The following CNTN6 variants were observed in gnomAD, a reference collection of about 807,000 sequenced individuals.
The protein encoded by CNTN6 is contactin-6.
In CNTN6, 137 loss-of-function variants were observed where a neutral mutation model predicts 122.8. The ratio of observed to expected loss-of-function variants is 1.12; its 90% CI spans 0.97 to 1.29. The LOEUF (loss-of-function observed/expected upper bound fraction) is 1.29, where lower values mean the gene tolerates loss of function less well. Ranked by LOEUF, CNTN6 falls within the 50% of genes most tolerant of loss-of-function variation. The pLI, the probability that CNTN6 is intolerant of heterozygous loss-of-function variation, is 0.00. For missense variants in CNTN6, 1,634 were observed against 1,223.4 expected, an observed-to-expected ratio of 1.34 and a Z score of -5.01; for synonymous variants, 570 against 426.0, an observed-to-expected ratio of 1.34 and a Z score of -4.16.
rs562437352 is a variant in CNTN6, at chr3:1,283,871, G to A, written c.454+5363G>A. 7.2e-5 allele frequency among the ~76,000 whole-genome samples: 11 copies of A among 152,192 alleles called. No homozygotes were observed. The South Asian group carries it at 2.3e-3, about 32-fold the overall frequency. ...AAAAATTAGCCGGGTGTGGTGGCAG[G>A]CGCCTGTAATCCCAGCTACTCTGGG... On this transcript the variant is annotated intron_variant, in intron 5 of 22. Transcript: ENST00000446702.
chr3:1,192,709 C>T (rs185972087), intron 2 of CNTN6, among the ~76,000 whole-genome samples: 58 of 152,298 alleles, frequency 3.8e-4, no homozygotes, highest in African/African-American at 1.3e-3. Flanking sequence ...CACACACACA[C>T]ACACACCCCT....
At chr3:1,339,470 C>T (rs1703575079) in intron 11 of CNTN6, among the ~76,000 whole-genome samples, 1 of 152,134 alleles carries the variant, frequency 6.6e-6, no homozygotes, top group Non-Finnish European at 1.5e-5. Context: ...GGAAGGCAGA[C>T]AAGCCCACAG....
intron 2 of CNTN6, among the ~76,000 whole-genome samples, chr3:1,210,488 G>C (rs950039103): frequency 2.6e-5 from 4 of 152,224 alleles, no homozygotes; most frequent in East Asian, 3.9e-4. Flanking sequence ...AGTGAGTTTA[G>C]TCTAGCTTAA....
intron 7 of CNTN6, among the ~76,000 whole-genome samples, chr3:1,306,496 G>C (rs1206546627): frequency 6.6e-6 from 1 of 152,152 alleles, no homozygotes; most frequent in African/African-American, 2.4e-5. Context: ...TAATTTATCA[G>C]TGAATTTACT....
intron 4 of CNTN6, 24 bp from the exon 5 acceptor site, chr3:1,278,389 A>G: frequency 6.8e-7 from 1 of 1,463,272 alleles, no homozygotes; most frequent in South Asian, 1.2e-5. Flanking sequence ...CTAATTATAA[A>G]TCTGCTTTTC....
At chr3:1,129,784 TTAAG>T (rs2092285958) in intron 1 of CNTN6, among the ~76,000 whole-genome samples, 1 of 152,104 alleles carries the variant, frequency 6.6e-6, no homozygotes, top group Non-Finnish European at 1.5e-5. Flanking sequence ...CTACATGAAT[TTAAG>T]TATGAATTTC....
chr3:1,264,604 T>C (rs573812502), intron 4 of CNTN6, among the ~76,000 whole-genome samples: 1 of 152,252 alleles, frequency 6.6e-6, no homozygotes, highest in South Asian at 2.1e-4. Context: ...AATAATTGTA[T>C]AGATTTATAG....
At chr3:1,144,640 G>A (rs572108013) in intron 1 of CNTN6, among the ~76,000 whole-genome samples, 7 of 134,582 alleles carry the variant, frequency 5.2e-5, no homozygotes, top group South Asian at 2.5e-4. Flanking sequence ...GGGGCTTGTC[G>A]GATTACTTAG....
intron 2 of CNTN6, among the ~76,000 whole-genome samples, chr3:1,218,233 G>C (rs2094155066): frequency 6.6e-6 from 1 of 152,068 alleles, no homozygotes; most frequent in Non-Finnish European, 1.5e-5. Flanking sequence ...AGGGGAAGAG[G>C]GTTCCATTGT....
Position 1,297,849 on chromosome 3 carries a change from A to C in CNTN6, c.659-40A>C, listed in dbSNP as rs760364056. 2.0e-6 allele frequency: 3 copies of C among 1,503,158 alleles called. 1 individual carries two copies. The South Asian group carries it at 3.5e-5, about 18-fold the overall frequency. The allele number at this position is 1,503,158 out of a possible 1,614,324, so 93.1% of individuals were successfully genotyped here. On this transcript the variant is annotated intron_variant, in intron 6 of 22. Transcript: ENST00000446702. ...AGCATTTACTTCATAGAAAACTTCTATTCTCCAGAAATGCTGCTAGCTCTT... is the reference window on the plus strand; with the variant it reads ...AGCATTTACTTCATAGAAAACTTCTCTTCTCCAGAAATGCTGCTAGCTCTT...
chr3:1,256,593 C>T (rs2094762785), intron 4 of CNTN6, among the ~76,000 whole-genome samples: 1 of 152,102 alleles, frequency 6.6e-6, no homozygotes, highest in Non-Finnish European at 1.5e-5. Flanking sequence ...GAATTATCTA[C>T]ATATAAATGT....
At chr3:1,286,400 A>G (rs1694347018) in intron 5 of CNTN6, among the ~76,000 whole-genome samples, 1 of 151,596 alleles carries the variant, frequency 6.6e-6, no homozygotes, top group Non-Finnish European at 1.5e-5. Flanking sequence ...CCCTGTGTCC[A>G]TGTGTTCTCA....
chr3:1,401,720 C>A (rs1268162794), intron 21 of CNTN6, among the ~76,000 whole-genome samples, 175 bp downstream of exon 21: 1 of 151,922 alleles, frequency 6.6e-6, no homozygotes, highest in Non-Finnish European at 1.5e-5. Context: ...TTTTACATTC[C>A]AAGGTCCAGT....
At chr3:1,224,945 A>T (rs1575312222) in intron 3 of CNTN6, among the ~76,000 whole-genome samples, 1 of 151,964 alleles carries the variant, frequency 6.6e-6, no homozygotes, top group East Asian at 1.9e-4. Flanking sequence ...ACTGGGTTTC[A>T]CCATGCTGGC....
intron 4 of CNTN6, among the ~76,000 whole-genome samples, chr3:1,263,959 G>A (rs186145382): frequency 6.6e-6 from 1 of 151,634 alleles, no homozygotes; most frequent in East Asian, 2.0e-4. Flanking sequence ...CAAAGATCTG[G>A]GGGTAAGTTT....
intron 11 of CNTN6, among the ~76,000 whole-genome samples, chr3:1,348,371 C>T (rs115853277): frequency 2.0e-5 from 3 of 151,848 alleles, no homozygotes; most frequent in Non-Finnish European, 4.4e-5. Flanking sequence ...TAGTACCTCA[C>T]GTGTTAAGAT....
intron 2 of CNTN6, among the ~76,000 whole-genome samples, chr3:1,201,238 G>T (rs561046560): frequency 1.4e-3 from 212 of 152,072 alleles, no homozygotes; most frequent in Middle Eastern, 3.4e-3. Flanking sequence ...CTCCCAAAGT[G>T]CTGGGATTAC....
At chr3:1,232,851 C>G (rs1371249779) in intron 4 of CNTN6, among the ~76,000 whole-genome samples, 1 of 152,132 alleles carries the variant, frequency 6.6e-6, no homozygotes, top group African/African-American at 2.4e-5. Context: ...TTGCATTGAA[C>G]CTTGACATGT....
At chr3:1,146,798 A>G (rs895801981) in intron 1 of CNTN6, among the ~76,000 whole-genome samples, 2 of 152,104 alleles carry the variant, frequency 1.3e-5, no homozygotes, top group South Asian at 4.1e-4. Context: ...TAGATATAAC[A>G]TATGATCTAA....
Sources: gnomAD v4.1 joint callset for allele counts (sites outside exome capture counted in the v4.1 genomes callset) on GRCh38, gnomAD v4.1.1 for gene constraint, MANE v1.5 for transcripts, NCBI Gene and HGNC (gene_info 2026-07-23, HGNC 2026-07-21) for gene names.